Variants in ASZ1 observed in about 807,000 individuals in gnomAD.
ASZ1 encodes ankyrin repeat, SAM and basic leucine zipper domain containing 1, also known as ankyrin repeat, SAM and basic leucine zipper domain-containing protein 1.
Under a neutral mutation model 61.8 loss-of-function variants are expected in ASZ1, and 67 were observed. That is an observed-to-expected ratio of 1.08 (90% CI 0.89 to 1.33). The LOEUF (loss-of-function observed/expected upper bound fraction) is 1.33, where lower values mean the gene tolerates loss of function less well. ASZ1 is among the 40% of genes most tolerant of loss of function. The probability of loss-of-function intolerance (pLI) is 0.00; values close to 1 mark genes in which losing one functional copy is unlikely to be tolerated. For missense variants in ASZ1, 577 were observed against 554.5 expected, an observed-to-expected ratio of 1.04 and a Z score of -0.41; for synonymous variants, 193 against 192.7, an observed-to-expected ratio of 1.00 and a Z score of -0.01.
At chr7:117,425,736 T>C (rs1797191817) in intron 2 of ASZ1, among the ~76,000 whole-genome samples, 1 of 151,664 alleles carries the variant, frequency 6.6e-6, no homozygotes, top group African/African-American at 2.4e-5. Flanking sequence ...TTGCTTGTAA[T>C]CTCAGCACTT....
chr7:117,371,574 A>G (rs1796051081), intron 10 of ASZ1, among the ~76,000 whole-genome samples: 1 of 152,176 alleles, frequency 6.6e-6, no homozygotes, highest in African/African-American at 2.4e-5. Flanking sequence ...TTACTCTAGA[A>G]AACACAGAAC....
intron 1 of ASZ1, 38 bp from the exon 2 acceptor site, chr7:117,426,973 A>G (rs1276507996): frequency 1.9e-6 from 3 of 1,548,394 alleles, no homozygotes; most frequent in Non-Finnish European, 1.7e-6. Context: ...CTTGTTATAT[A>G]TATTTTTGTT....
chr7:117,396,153 C>T (rs1223286325), intron 4 of ASZ1, among the ~76,000 whole-genome samples: 1 of 152,148 alleles, frequency 6.6e-6, no homozygotes, highest in East Asian at 1.9e-4. Context: ...ATTTGTGACA[C>T]CTATTTGTGT....
At position 117,420,178 on chromosome 7, in the gene ASZ1, G is replaced by C. The variant is rs780374368; in HGVS notation, c.425C>G (p.Pro142Arg). The change falls in exon 4 of 13, where the codon CCA (proline) becomes CGA (arginine). Residue 142 changes from proline (P) to arginine (R), a missense_variant. Physicochemically the swap from Pro to Arg is moderately radical, Grantham distance 103 (BLOSUM62 -2). Coordinates refer to ENST00000284629, the MANE Select transcript of ASZ1 (RefSeq NM_130768.3). Reference sequence around the variant, plus strand: ...AGGCTCTTACCTACAAGCAACATTTGGATCAGCATTTCTTGAAAGTAGTAG... The same window carrying C: ...AGGCTCTTACCTACAAGCAACATTTCGATCAGCATTTCTTGAAAGTAGTAG... ...VELLLSRNADPNVACRRLMTP... is the reference protein window; with the variant it reads ...VELLLSRNADRNVACRRLMTP... The C allele has an allele frequency of 1.9e-6, 3 of 1,609,774 alleles. No homozygotes were observed. The East Asian group carries it at 6.7e-5, about 36-fold the overall frequency.
rs1459002468 is a variant in ASZ1, at chr7:117,426,723, C to A, written c.205+113G>T. 4 of 928,956 alleles carry A rather than the reference C, an allele frequency of 4.3e-6. No individual in the cohort carries two copies. In the Admixed American group the frequency reaches 9.7e-5, roughly 22 times the overall value. The allele number at this position is 928,956 out of a possible 1,614,324, so 57.5% of individuals were successfully genotyped here. A position where few individuals can be genotyped will look rare whatever the true frequency, so the allele number is the denominator to read the frequency against. Reference sequence around the variant, plus strand: ...TCAACGAAGATTATGCAGGATGATACATTAACATTTGTTGCGTTTCCATTA... The same window carrying A: ...TCAACGAAGATTATGCAGGATGATAAATTAACATTTGTTGCGTTTCCATTA... On this transcript the variant is annotated intron_variant, in intron 2 of 12. Transcript: ENST00000284629.
At chr7:117,393,922 C>T (rs1298617375) in intron 4 of ASZ1, among the ~76,000 whole-genome samples, 1 of 152,158 alleles carries the variant, frequency 6.6e-6, no homozygotes, top group Admixed American at 6.5e-5. Flanking sequence ...AAGTCCTCTT[C>T]TCTTCAACAT....
At chr7:117,380,964 T>C (rs1456774170) in intron 9 of ASZ1, 47 bp downstream of exon 9, 5 of 1,481,844 alleles carry the variant, frequency 3.4e-6, no homozygotes, top group African/African-American at 1.4e-5. Context: ...TCCACAATTT[T>C]AAAAACATCA....
rs578146707 is a variant in ASZ1 at position 117,394,942 on chromosome 7, A to G, written c.441-9133T>C. Among the ~76,000 whole-genome samples the G allele has an allele frequency of 3.9e-5, 6 of 152,294 alleles. No homozygotes were observed. In the East Asian group the frequency reaches 7.7e-4, roughly 20 times the overall value. ...AATCCCTCTTTTATTGTTCAGGAATAAAGGCCTTTTTAGATTCCTCTATTT... is the reference window on the plus strand; with the variant it reads ...AATCCCTCTTTTATTGTTCAGGAATGAAGGCCTTTTTAGATTCCTCTATTT... On this transcript the variant is annotated intron_variant, in intron 4 of 12. Transcript: ENST00000284629.
intron 4 of ASZ1, among the ~76,000 whole-genome samples, chr7:117,406,132 TA>T (rs1483605583): frequency 3.3e-5 from 5 of 152,098 alleles, no homozygotes; most frequent in Non-Finnish European, 2.9e-5. Flanking sequence ...AAGCTTTCAG[TA>T]AAAATAAGAG....
In ASZ1 at chr7:117,402,154, CTCAA is replaced by C. The variant is rs749546065; in HGVS notation, c.441-16349_441-16346del. The stretch of plus-strand genomic sequence containing the variant: ...AGTTAATTAAACCTGGCTCAGTGAC[CTCAA>C]TCAAAGACTGTCCTTCAGTTGTCAA... On this transcript the variant is annotated intron_variant, in intron 4 of 12. Transcript: ENST00000284629. Among the ~76,000 whole-genome samples, 12 of 152,244 alleles carry C rather than the reference CTCAA, an allele frequency of 7.9e-5. No individual in the cohort carries two copies. In the East Asian group the frequency reaches 1.3e-3, roughly 17 times the overall value.
chr7:117,368,847 T>C (rs535158085), intron 10 of ASZ1, 130 bp from the exon 11 acceptor site: 1 of 1,483,192 alleles, frequency 6.7e-7, no homozygotes, highest in African/African-American at 1.4e-5. Context: ...GAATAGCTAA[T>C]ACAGATTAGG....
chr7:117,371,547 T>C (rs1197826285), intron 10 of ASZ1, among the ~76,000 whole-genome samples: 1 of 152,174 alleles, frequency 6.6e-6, no homozygotes, highest in Non-Finnish European at 1.5e-5. Flanking sequence ...AAATCTTCTT[T>C]ATTTTCTTTC....
chr7:117,405,378 C>A (rs906156007), intron 4 of ASZ1, among the ~76,000 whole-genome samples: 2 of 152,246 alleles, frequency 1.3e-5, no homozygotes, highest in African/African-American at 4.8e-5. Flanking sequence ...GTAACTGATG[C>A]ACCCTTGCCT....
chr7:117,369,067 A>T (rs1043162789), intron 10 of ASZ1, among the ~76,000 whole-genome samples: 3 of 152,194 alleles, frequency 2.0e-5, no homozygotes, highest in Non-Finnish European at 4.4e-5. Context: ...GATTTTTCCT[A>T]ACAACCCCTA....
At chr7:117,425,734 A>G (rs2116546331) in intron 2 of ASZ1, among the ~76,000 whole-genome samples, 1 of 152,060 alleles carries the variant, frequency 6.6e-6, no homozygotes, top group Admixed American at 6.5e-5. Flanking sequence ...TCTTGCTTGT[A>G]ATCTCAGCAC....
intron 4 of ASZ1, among the ~76,000 whole-genome samples, chr7:117,418,922 C>T (rs2116532997): frequency 6.6e-6 from 1 of 152,246 alleles, no homozygotes; most frequent in South Asian, 2.1e-4. Flanking sequence ...GATGGTGCCA[C>T]TGCACTCCAG....
intron 4 of ASZ1, among the ~76,000 whole-genome samples, chr7:117,405,951 T>A (rs1257309159): frequency 1.3e-5 from 2 of 152,238 alleles, no homozygotes; most frequent in African/African-American, 4.8e-5. Flanking sequence ...ATCCCCTGTA[T>A]GGCCTGTATT....
chr7:117,422,915 T>G (rs540081894), intron 2 of ASZ1, among the ~76,000 whole-genome samples: 1 of 152,268 alleles, frequency 6.6e-6, no homozygotes, highest in South Asian at 2.1e-4. Flanking sequence ...CATCATTACA[T>G]ATGTATTATA....
At chr7:117,379,899 T>G in intron 10 of ASZ1, 39 bp downstream of exon 10, 2 of 1,311,620 alleles carry the variant, frequency 1.5e-6, no homozygotes, top group Non-Finnish European at 2.2e-6. Context: ...AATTGGTTCT[T>G]AACACTATTA....
Sources: allele counts gnomAD v4.1 joint callset (sites outside exome capture counted in the v4.1 genomes callset), GRCh38; gene constraint gnomAD v4.1.1; transcripts MANE v1.5; gene names NCBI Gene and HGNC (gene_info 2026-07-23, HGNC 2026-07-21).